The following SH3GL2 variants were observed in gnomAD, a reference collection of about 807,000 sequenced individuals.
SH3GL2 encodes SH3 domain containing GRB2 like 2, endophilin A1.
Under a neutral mutation model 46.0 loss-of-function variants are expected in SH3GL2, and 24 were observed. The ratio of observed to expected loss-of-function variants is 0.52; its 90% CI spans 0.38 to 0.73. SH3GL2 has a LOEUF of 0.73. Among genes scored for constraint, SH3GL2 ranks in the 30% least tolerant of loss-of-function variants. SH3GL2 has a pLI of 0.00. For synonymous variants in SH3GL2, 196 were observed against 147.1 expected (o/e 1.33, Z -2.40); for missense variants, 413 against 424.2 (o/e 0.97, Z 0.23).
chr9:17,738,545 A>ATATACATACATACATAT (rs1563833701), intron 1 of SH3GL2, among the ~76,000 whole-genome samples: 11 of 107,372 alleles, frequency 1.0e-4, no homozygotes, highest in South Asian at 3.2e-4. Flanking sequence ...TATATACATA[A>ATATACATACATACATAT]GTGTGTGTGT....
intron 1 of SH3GL2, among the ~76,000 whole-genome samples, chr9:17,645,020 A>G (rs992068915): frequency 1.3e-5 from 2 of 152,068 alleles, no homozygotes; most frequent in East Asian, 1.9e-4. Context: ...TATTGGGTGC[A>G]TCTATATTTA....
chr9:17,765,739 T>C (rs553888851), intron 3 of SH3GL2, among the ~76,000 whole-genome samples: 1 of 152,288 alleles, frequency 6.6e-6, no homozygotes, highest in East Asian at 1.9e-4. Flanking sequence ...ACTGTCCCTC[T>C]TGTAATCCCA....
chr9:17,771,964 T>C (rs1250281961), intron 3 of SH3GL2, among the ~76,000 whole-genome samples: 20 of 152,166 alleles, frequency 1.3e-4, no homozygotes, highest in Non-Finnish European at 2.9e-4. Flanking sequence ...AGAAACAACA[T>C]AGATGTGAGT....
chr9:17,612,326 C>A (rs1258176155), intron 1 of SH3GL2, among the ~76,000 whole-genome samples: 2 of 152,120 alleles, frequency 1.3e-5, no homozygotes, highest in East Asian at 1.9e-4. Flanking sequence ...TGTTTTGAAT[C>A]CATATATGTG....
chr9:17,641,813 GCCA>G (rs371127685), intron 1 of SH3GL2, among the ~76,000 whole-genome samples: 7,427 of 152,158 alleles, frequency 0.049, 331 homozygotes, highest in African/African-American at 0.12. Flanking sequence ...GTTTATTTAT[GCCA>G]CATTTTCTTT....
chr9:17,726,128 T>G (rs1822014689), intron 1 of SH3GL2, among the ~76,000 whole-genome samples: 1 of 152,146 alleles, frequency 6.6e-6, no homozygotes, highest in Non-Finnish European at 1.5e-5. Context: ...TTAGTTTGTT[T>G]TAAGTAATTT....
chr9:17,795,463 G>A (rs1162383385), intron 8 of SH3GL2, 81 bp from the exon 9 acceptor site: 16 of 1,108,948 alleles, frequency 1.4e-5, no homozygotes, highest in South Asian at 4.3e-5. Flanking sequence ...AGCCAGGTGG[G>A]TACAGCAGGC....
chr9:17,716,484 C>G (rs1821762917), intron 1 of SH3GL2, among the ~76,000 whole-genome samples: 1 of 152,108 alleles, frequency 6.6e-6, no homozygotes, highest in South Asian at 2.1e-4. Context: ...CTACTCAATT[C>G]CAGGTCAATT....
rs1265806704 is a variant in SH3GL2 at position 17,796,914 on chromosome 9, T to C, written c.*1171T>C. ...GTGTGTAAGCTTATCAGTGTGTTTT[T>C]TTATTTGTATCAGTCATGAAAGTCC... On this transcript the variant is annotated 3_prime_UTR_variant, in exon 9 of 9. Transcript: ENST00000380607. The C allele has an allele frequency of 6.6e-6, 1 of 152,658 alleles. No homozygotes were observed. The highest frequency in any genetic ancestry group is 1.5e-5 in the Non-Finnish European group (1 of 68,052). The allele number at this position is 152,658 out of a possible 1,614,324, so 9.5% of individuals were successfully genotyped here. A position where few individuals can be genotyped will look rare whatever the true frequency, so the allele number is the denominator to read the frequency against.
intron 1 of SH3GL2, among the ~76,000 whole-genome samples, chr9:17,651,038 A>G (rs1222634554): frequency 6.6e-6 from 1 of 151,684 alleles, no homozygotes; most frequent in Non-Finnish European, 1.5e-5. Context: ...TGTGTGTGTG[A>G]GAGAGACATA....
intron 1 of SH3GL2, among the ~76,000 whole-genome samples, chr9:17,609,552 G>A (rs943601436): frequency 6.6e-6 from 1 of 152,178 alleles, no homozygotes; most frequent in Admixed American, 6.5e-5. Flanking sequence ...AGTGAGCCCA[G>A]TATGGCTGAT....
intron 1 of SH3GL2, among the ~76,000 whole-genome samples, chr9:17,685,547 C>G (rs1173045795): frequency 6.6e-6 from 1 of 151,978 alleles, no homozygotes; most frequent in Non-Finnish European, 1.5e-5. Context: ...TGTGGGAAGA[C>G]CTAGGTTTTC....
intron 1 of SH3GL2, among the ~76,000 whole-genome samples, chr9:17,670,377 A>G (rs1486283771): frequency 1.3e-5 from 2 of 152,214 alleles, no homozygotes; most frequent in East Asian, 1.9e-4. Context: ...TGCCCTCACT[A>G]TCTGCCTCAA....
At chr9:17,680,262 G>A (rs1359985698) in intron 1 of SH3GL2, among the ~76,000 whole-genome samples, 2 of 151,946 alleles carry the variant, frequency 1.3e-5, no homozygotes, top group Non-Finnish European at 1.5e-5. Flanking sequence ...CTGGTCCTGG[G>A]ATTTTTTTGG....
At chr9:17,677,343 A>G (rs779568325) in intron 1 of SH3GL2, among the ~76,000 whole-genome samples, 26 of 152,154 alleles carry the variant, frequency 1.7e-4, no homozygotes, top group Admixed American at 8.5e-4. Flanking sequence ...TTTCCTGGTG[A>G]TACGGTACTC....
intron 3 of SH3GL2, among the ~76,000 whole-genome samples, chr9:17,777,013 T>C (rs946771048): frequency 6.6e-6 from 1 of 152,188 alleles, no homozygotes; most frequent in Admixed American, 6.5e-5. Flanking sequence ...GCAGATGCTC[T>C]GTAAATACCT....
intron 1 of SH3GL2, among the ~76,000 whole-genome samples, chr9:17,581,919 G>T (rs752089942): frequency 6.6e-6 from 1 of 152,038 alleles, no homozygotes; most frequent in East Asian, 1.9e-4. Flanking sequence ...GGCTGGTCTC[G>T]AACTCCTGAC....
chr9:17,659,432 A>G (rs1357089387), intron 1 of SH3GL2, among the ~76,000 whole-genome samples: 1 of 152,104 alleles, frequency 6.6e-6, no homozygotes, highest in Non-Finnish European at 1.5e-5. Context: ...AATGTCAGCC[A>G]TTGAAGTAAG....
In SH3GL2 at chr9:17,638,176, A is replaced by C. The variant is rs568044438; in HGVS notation, c.45+58889A>C. Among the ~76,000 whole-genome samples the C allele has an allele frequency of 2.2e-4, 34 of 152,004 alleles. 1 individual carries two copies. The highest frequency in any genetic ancestry group is 3.6e-4 in the African/African-American group (15 of 41,524). On this transcript the variant is annotated intron_variant, in intron 1 of 8. Transcript: ENST00000380607. ...CCTCTCAAAAAAAAAACAAAAAAAC[A>C]AAAAAACCACTGATTTCATAGCACT...
Sources: allele counts gnomAD v4.1 joint callset (sites outside exome capture counted in the v4.1 genomes callset), GRCh38; gene constraint gnomAD v4.1.1; transcripts MANE v1.5; gene names NCBI Gene and HGNC (gene_info 2026-07-23, HGNC 2026-07-21).